The following WDR36 variants were observed in gnomAD, a reference collection of about 807,000 sequenced individuals.
The protein encoded by WDR36 is WD repeat domain 36.
Under a neutral mutation model 112.7 loss-of-function variants are expected in WDR36, and 63 were observed. The observed-to-expected ratio is 0.56, with a 90% CI of 0.46 to 0.69. The LOEUF is 0.69. Ranked by LOEUF, WDR36 falls within the 30% of genes least tolerant of loss-of-function variation. The probability of loss-of-function intolerance (pLI) is 0.00; values close to 1 mark genes in which losing one functional copy is unlikely to be tolerated. For missense variants in WDR36, 1,226 were observed against 1,070.3 expected (o/e 1.15, Z -2.03); for synonymous variants, 410 against 362.2 (o/e 1.13, Z -1.50).
intron 19 of WDR36, among the ~76,000 whole-genome samples, chr5:111,122,854 C>T (rs74488167): frequency 0.03 from 4,494 of 152,154 alleles, 105 homozygotes; most frequent in African/African-American, 0.07. Flanking sequence ...CGGTGGCGCA[C>T]GCCTGTCCCA....
Position 111,129,825 on chromosome 5 carries a change from C to G in WDR36, c.*2942C>G, listed in dbSNP as rs1353319883. On this transcript the variant is annotated 3_prime_UTR_variant, in exon 23 of 23. Coordinates refer to ENST00000513710, the MANE Select transcript of WDR36 (RefSeq NM_139281.3). ...CTCATTTCACGTCATGTATTTTCCTCTACGACATGTTTCTGTGTGAGTAGT... is the reference window on the plus strand; with the variant it reads ...CTCATTTCACGTCATGTATTTTCCTGTACGACATGTTTCTGTGTGAGTAGT... 3 of 206,706 alleles carry G rather than the reference C, an allele frequency of 1.5e-5. No homozygotes were observed. Among genetic ancestry groups the G allele is most frequent in the Non-Finnish European group, 3.0e-5 (3 of 101,296 alleles). 12.8% of individuals were successfully genotyped at this position (206,706 alleles called of 1,614,324 possible). A position where few individuals can be genotyped will look rare whatever the true frequency, so the allele number is the denominator to read the frequency against.
intron 19 of WDR36, among the ~76,000 whole-genome samples, chr5:111,121,563 C>T (rs1753567221): frequency 6.6e-6 from 1 of 152,128 alleles, no homozygotes; most frequent in Non-Finnish European, 1.5e-5. Context: ...CTTTATCTCA[C>T]ACCACACCCT....
rs200684039 is a variant in WDR36 at position 111,105,253 on chromosome 5, T to C, written c.1028-42T>C. ...ATTTGTGATTCACATAGTCCCTTGTTTTAATGAAGCTTGATTAGGGATTTT... is the reference window on the plus strand; with the variant it reads ...ATTTGTGATTCACATAGTCCCTTGTCTTAATGAAGCTTGATTAGGGATTTT... On this transcript the variant is annotated intron_variant, in intron 9 of 22. Transcript: ENST00000513710. 1,936 of 1,581,222 alleles carry C rather than the reference T, an allele frequency of 1.2e-3. 1 individual carries two copies. The highest frequency in any genetic ancestry group is 1.5e-3 in the Non-Finnish European group (1,775 of 1,151,418).
At chr5:111,094,152 C>A (rs541932463) in intron 1 of WDR36, among the ~76,000 whole-genome samples, 4 of 152,160 alleles carry the variant, frequency 2.6e-5, no homozygotes, top group Non-Finnish European at 4.4e-5. Flanking sequence ...AGATTAGTTT[C>A]TTCTACAGGG....
At chr5:111,112,252 G>C (rs1753356751) in intron 15 of WDR36, among the ~76,000 whole-genome samples, 1 of 151,926 alleles carries the variant, frequency 6.6e-6, no homozygotes, top group African/African-American at 2.4e-5. Context: ...TCCCTGCTCA[G>C]TAATAAGTTA....
intron 5 of WDR36, 25 bp downstream of exon 5, chr5:111,100,746 T>C (rs1231484108): frequency 6.2e-7 from 1 of 1,603,504 alleles, no homozygotes; most frequent in Non-Finnish European, 8.5e-7. Flanking sequence ...TAGAAAATAA[T>C]ATAGCTGTCA....
Position 111,092,483 on chromosome 5 carries a change from G to A in WDR36, c.27G>A (p.Thr9=), listed in dbSNP as rs781644521. The change falls in exon 1 of 23, where the codon ACG becomes ACA. Residue 9 remains threonine, a synonymous_variant. Coordinates refer to ENST00000513710, the MANE Select transcript of WDR36 (RefSeq NM_139281.3). MERASERR[T]ASALFAGFRA... is the part of the protein sequence containing the mutation. ...TGGAACGGGCCTCAGAAAGGCGCAC[G>A]GCCAGCGCGCTTTTTGCGGGGTTCC... 2 of 1,614,246 alleles carry A rather than the reference G, an allele frequency of 1.2e-6. No homozygotes were observed. Among genetic ancestry groups the A allele is most frequent in the South Asian group, 2.2e-5 (2 of 91,090 alleles).
Position 111,092,433 on chromosome 5 carries a change from A to G in WDR36, c.-24A>G. On this transcript the variant is annotated 5_prime_UTR_variant, in exon 1 of 23. Transcript: ENST00000513710. The stretch of plus-strand genomic sequence containing the variant: ...GTGTTTTCCTTCAGGACCAGAGCTG[A>G]GAGGAGCTGGGATCGCGGCGGCAAT... 2 of 1,614,206 alleles carry G rather than the reference A, an allele frequency of 1.2e-6. No homozygotes were observed. Among genetic ancestry groups the G allele is most frequent in the Non-Finnish European group, 1.7e-6 (2 of 1,180,040 alleles).
chr5:111,111,319 C>T lies in WDR36; in HGVS notation c.1716+41C>T, dbSNP rs752421950. On this transcript the variant is annotated intron_variant, in intron 15 of 22. Coordinates refer to ENST00000513710, the MANE Select transcript of WDR36 (RefSeq NM_139281.3). Reference sequence around the variant, plus strand: ...ACTAATAAAACTTGACTCATTTCTACTTTTGTTTGGGTGTGTTATCCTTTA... The same window carrying T: ...ACTAATAAAACTTGACTCATTTCTATTTTTGTTTGGGTGTGTTATCCTTTA... 2.6e-6 allele frequency: 4 copies of T among 1,536,376 alleles called. No homozygotes were observed. The African/African-American group carries it at 5.5e-5, about 21-fold the overall frequency.
chr5:111,104,647 C>G, intron 8 of WDR36, 50 bp from the exon 9 acceptor site: 22 of 1,609,972 alleles, frequency 1.4e-5, no homozygotes, highest in Non-Finnish European at 1.8e-5. Context: ...TGACTGCTTG[C>G]AGATCAGATG....
chr5:111,114,630 T>TA (rs1171433436), intron 16 of WDR36, among the ~76,000 whole-genome samples: 1 of 152,184 alleles, frequency 6.6e-6, no homozygotes, highest in Admixed American at 6.5e-5. Flanking sequence ...AAAATCGAAT[T>TA]TATTGACTGT....
At chr5:111,102,251 T>G in intron 5 of WDR36, 94 bp from the exon 6 acceptor site, 1 of 901,414 alleles carries the variant, frequency 1.1e-6, no homozygotes, top group Non-Finnish European at 1.7e-6. Context: ...TTAATAAATA[T>G]CACCTATTAT....
chr5:111,096,733 A>G (rs533422517), intron 2 of WDR36, among the ~76,000 whole-genome samples: 1 of 152,182 alleles, frequency 6.6e-6, no homozygotes, highest in Non-Finnish European at 1.5e-5. Context: ...AAAGATGTTC[A>G]CGTGAAGACT....
Position 111,092,474 on chromosome 5 carries a change from A to G in WDR36, c.18A>G (p.Glu6=). The G allele has an allele frequency of 6.2e-7, 1 of 1,614,232 alleles. No homozygotes were observed. The highest frequency in any genetic ancestry group is 8.5e-7 in the Non-Finnish European group (1 of 1,180,042). The change falls in exon 1 of 23, where the codon GAA becomes GAG. Residue 6 remains glutamate, a synonymous_variant. Coordinates refer to ENST00000513710, the MANE Select transcript of WDR36 (RefSeq NM_139281.3). MERAS[E]RRTASALFAG... The stretch of plus-strand genomic sequence containing the variant: ...CGGCGGCAATGGAACGGGCCTCAGA[A>G]AGGCGCACGGCCAGCGCGCTTTTTG...
In WDR36 at chr5:111,098,835, A is replaced by G; in HGVS notation, c.405A>G (p.Ser135=). The change falls in exon 4 of 23, where the codon TCA becomes TCG. Residue 135 remains serine, a synonymous_variant. Transcript: ENST00000513710. ...DGILIIWHIY[S]EEEYLQLTFD... is the part of the protein sequence containing the mutation. ...TTCTTATTATTTGGCACATATATTC[A>G]GAAGGTAAGAGTTAACTCATTTATT... 1 of 1,570,184 alleles carries G rather than the reference A, an allele frequency of 6.4e-7. No individual in the cohort carries two copies. Among genetic ancestry groups the G allele is most frequent in the Non-Finnish European group, 8.8e-7 (1 of 1,140,262 alleles).
intron 16 of WDR36, among the ~76,000 whole-genome samples, chr5:111,114,884 GAT>G (rs1046700706): frequency 2.0e-5 from 3 of 152,052 alleles, no homozygotes; most frequent in African/African-American, 7.2e-5. Flanking sequence ...TAGTGAGAGA[GAT>G]AGATTATTCA....
At chr5:111,120,414 G>A (rs1165455950) in intron 17 of WDR36, 82 bp from the exon 18 acceptor site, 5 of 1,128,134 alleles carry the variant, frequency 4.4e-6, no homozygotes, top group Non-Finnish European at 5.3e-6. Context: ...AAAGTCTGTA[G>A]TCAAATTCAA....
chr5:111,100,584 T>G lies in WDR36; in HGVS notation c.410-5T>G. 1 of 1,532,474 alleles carries G rather than the reference T, an allele frequency of 6.5e-7. No homozygotes were observed. Among genetic ancestry groups the G allele is most frequent in the Non-Finnish European group, 8.9e-7 (1 of 1,125,728 alleles). 94.9% of individuals were successfully genotyped at this position (1,532,474 alleles called of 1,614,324 possible). A position where few individuals can be genotyped will look rare whatever the true frequency, so the allele number is the denominator to read the frequency against. On this transcript the variant is annotated splice_polypyrimidine_tract_variant and splice_region_variant and intron_variant, in intron 4 of 22. Transcript: ENST00000513710. ...AAAAAATATTTATAACTTTCACTTT[T>G]GTAGAAGAATACCTGCAGTTGACTT...
chr5:111,104,358 A>T lies in WDR36; in HGVS notation c.906+6A>T, dbSNP rs746529161. 6.2e-7 allele frequency: 1 copy of T among 1,611,682 alleles called. No individual in the cohort carries two copies. The highest frequency in any genetic ancestry group is 8.5e-7 in the Non-Finnish European group (1 of 1,178,238). The stretch of plus-strand genomic sequence containing the variant: ...GCGCTGACAATGCTCTTAGGGTATT[A>T]TGATTATTGTTAACATCTTCCTGGC... On this transcript the variant is annotated splice_donor_region_variant and intron_variant, in intron 8 of 22. Transcript: ENST00000513710.
Sources: allele counts gnomAD v4.1 joint callset (sites outside exome capture counted in the v4.1 genomes callset), GRCh38; gene constraint gnomAD v4.1.1; transcripts MANE v1.5; gene names NCBI Gene and HGNC (gene_info 2026-07-23, HGNC 2026-07-21).